CDH17: variants seen among roughly 807,000 people sequenced by gnomAD.
The protein encoded by CDH17 is cadherin 17.
In CDH17, 67 loss-of-function variants were observed where a neutral mutation model predicts 86.3. That is an observed-to-expected ratio of 0.78 (90% CI 0.64 to 0.95). The LOEUF is 0.95. Among genes scored for constraint, CDH17 ranks in the 40% least tolerant of loss-of-function variants. CDH17 has a pLI of 0.00. For missense variants in CDH17, 993 were observed against 1,017.6 expected, an observed-to-expected ratio of 0.98 and a Z score of 0.33; for synonymous variants, 367 against 366.4, an observed-to-expected ratio of 1.00 and a Z score of -0.02.
intron 15 of CDH17, among the ~76,000 whole-genome samples, chr8:94,138,994 G>A (rs1449188695): frequency 6.6e-6 from 1 of 152,044 alleles, no homozygotes; most frequent in Non-Finnish European, 1.5e-5. Flanking sequence ...TTCAGTAAAA[G>A]AGAAAAATAT....
intron 13 of CDH17, among the ~76,000 whole-genome samples, chr8:94,151,088 G>A (rs1007898397): frequency 1.3e-5 from 2 of 152,186 alleles, no homozygotes; most frequent in African/African-American, 4.8e-5. Context: ...AGCCACACGC[G>A]TGATTTAAGT....
chr8:94,168,100 ATATATATATATATATATATATAT>A, intron 9 of CDH17, among the ~76,000 whole-genome samples: 1 of 640 alleles, frequency 1.6e-3, no homozygotes, highest in Non-Finnish European at 4.7e-3. Context: ...ACTGGGGAAT[ATATATATATATATATATATATAT>A]ATATATATAT....
intron 15 of CDH17, among the ~76,000 whole-genome samples, chr8:94,144,330 G>A (rs1026753931): frequency 1.3e-5 from 2 of 152,066 alleles, no homozygotes; most frequent in African/African-American, 2.4e-5. Flanking sequence ...AAAGATCACT[G>A]ATCAGCATAA....
intron 15 of CDH17, among the ~76,000 whole-genome samples, chr8:94,136,973 C>A (rs1366852745): frequency 6.6e-6 from 1 of 152,170 alleles, no homozygotes; most frequent in Non-Finnish European, 1.5e-5. Flanking sequence ...GCAAATATTG[C>A]AGAACAGCAA....
intron 2 of CDH17, among the ~76,000 whole-genome samples, chr8:94,191,449 CTT>C (rs34208252): frequency 0.37 from 44,137 of 119,372 alleles, 6,656 homozygotes; most frequent in Non-Finnish European, 0.45. Flanking sequence ...CAAGAAAATG[CTT>C]TTTTTTTTTT....
chr8:94,150,248 CT>C (rs1409819105), intron 13 of CDH17, among the ~76,000 whole-genome samples: 1 of 152,050 alleles, frequency 6.6e-6, no homozygotes, highest in East Asian at 1.9e-4. Context: ...ATCTGATTGA[CT>C]TTTTTAAAAG....
At chr8:94,147,458 C>T (rs1812765703) in intron 14 of CDH17, among the ~76,000 whole-genome samples, 1 of 152,056 alleles carries the variant, frequency 6.6e-6, no homozygotes, top group African/African-American at 2.4e-5. Flanking sequence ...ATTCAGCTCT[C>T]AACCCTGGCC....
intron 15 of CDH17, among the ~76,000 whole-genome samples, chr8:94,137,521 C>A (rs927958836): frequency 2.0e-5 from 3 of 152,128 alleles, no homozygotes; most frequent in African/African-American, 7.2e-5. Context: ...GTGGGAGTGT[C>A]CTGTTTTTCC....
At chr8:94,210,377 GT>G (rs1814104857), upstream of CDH17, among the ~76,000 whole-genome samples, 1 of 151,972 alleles carries the variant, frequency 6.6e-6, no homozygotes, top group African/African-American at 2.4e-5. Context: ...AAAGAATTAG[GT>G]TAATTAAACA....
intron 15 of CDH17, among the ~76,000 whole-genome samples, chr8:94,134,146 G>A (rs1436924259): frequency 1.3e-5 from 2 of 152,140 alleles, no homozygotes; most frequent in Non-Finnish European, 2.9e-5. Flanking sequence ...CCAGACTTTG[G>A]CATCAGGATG....
At chr8:94,173,440 C>T (rs1813306695) in intron 7 of CDH17, among the ~76,000 whole-genome samples, 1 of 152,178 alleles carries the variant, frequency 6.6e-6, no homozygotes, top group Admixed American at 6.5e-5. Context: ...CCCCCTTTGC[C>T]TTCTGCCATG....
chr8:94,207,691 T>C (rs977856507), intron 1 of CDH17, among the ~76,000 whole-genome samples: 2 of 152,204 alleles, frequency 1.3e-5, no homozygotes, highest in Non-Finnish European at 2.9e-5. Context: ...GGCACTGTCC[T>C]TCCAATCTGC....
rs374068357 is a variant in CDH17 at position 94,147,570 on chromosome 8, T to C, written c.1927+1174A>G. The stretch of plus-strand genomic sequence containing the variant: ...TCTCTTTTTTGGTAAACCTGCCAGA[T>C]ACATTTACTAGCTAATTAGAGACTG... On this transcript the variant is annotated intron_variant, in intron 14 of 17. Transcript: ENST00000027335. 6.1e-4 allele frequency among the ~76,000 whole-genome samples: 93 copies of C among 152,304 alleles called. 2 individuals are homozygous for C. In the South Asian group the frequency reaches 0.019, roughly 31 times the overall value.
At chr8:94,160,298 T>C (rs918400221) in intron 11 of CDH17, 136 bp from the exon 12 acceptor site, 12 of 627,492 alleles carry the variant, frequency 1.9e-5, no homozygotes, top group Admixed American at 6.3e-5. Flanking sequence ...TTTTTTCCTA[T>C]TGATGAATAT....
At chr8:94,211,235 C>CA (rs1175623748), upstream of CDH17, among the ~76,000 whole-genome samples, 5 of 152,016 alleles carry the variant, frequency 3.3e-5, no homozygotes, top group East Asian at 9.6e-4. Flanking sequence ...GCCTCCCAGA[C>CA]AAAAAAGTTA....
At chr8:94,167,727 T>C (rs530441335) in intron 9 of CDH17, among the ~76,000 whole-genome samples, 22 of 152,242 alleles carry the variant, frequency 1.4e-4, no homozygotes, top group Non-Finnish European at 2.8e-4. Context: ...CTGAGGACAC[T>C]GTCCTCCTCT....
chr8:94,190,172 G>A (rs1350598880), intron 2 of CDH17, among the ~76,000 whole-genome samples: 1 of 152,210 alleles, frequency 6.6e-6, no homozygotes, highest in African/African-American at 2.4e-5. Flanking sequence ...AACAGGTGAT[G>A]ACACTAAGAC....
In CDH17 at chr8:94,162,253, T is replaced by G. The variant is rs1813068375; in HGVS notation, c.1283-91A>C. The G allele has an allele frequency of 5.9e-6, 5 of 853,766 alleles. No individual in the cohort carries two copies. In the Admixed American group the frequency reaches 9.8e-5, roughly 17 times the overall value. The allele number at this position is 853,766 out of a possible 1,614,324, so 52.9% of individuals were successfully genotyped here. A position where few individuals can be genotyped will look rare whatever the true frequency, so the allele number is the denominator to read the frequency against. On this transcript the variant is annotated intron_variant, in intron 10 of 17. Transcript: ENST00000027335. ...GCAAGAAAATACTTGGCAAGTGAAGTGACAGCCATAGCCACAATTTTGCAA... is the reference window on the plus strand; with the variant it reads ...GCAAGAAAATACTTGGCAAGTGAAGGGACAGCCATAGCCACAATTTTGCAA...
At chr8:94,191,838 G>A (rs1408202482) in intron 2 of CDH17, among the ~76,000 whole-genome samples, 2 of 152,158 alleles carry the variant, frequency 1.3e-5, no homozygotes, top group African/African-American at 4.8e-5. Flanking sequence ...TCCTTTGGGA[G>A]GTCTTCATCC....
Sources: allele counts gnomAD v4.1 joint callset (sites outside exome capture counted in the v4.1 genomes callset), GRCh38; gene constraint gnomAD v4.1.1; transcripts MANE v1.5; gene names NCBI Gene and HGNC (gene_info 2026-07-23, HGNC 2026-07-21).